The following ST18 variants were observed in gnomAD, a reference collection of about 807,000 sequenced individuals.
ST18 encodes the protein suppression of tumorigenicity 18 protein.
In ST18, 50 loss-of-function variants were observed where a neutral mutation model predicts 110.0. The observed-to-expected ratio is 0.45, with a 90% confidence interval of 0.36 to 0.58. The LOEUF is 0.58. ST18 is among the 20% of genes least tolerant of loss of function. The probability of loss-of-function intolerance (pLI) is 0.00; values close to 1 mark genes in which losing one functional copy is unlikely to be tolerated. For synonymous variants in ST18, 461 were observed against 452.4 expected, an observed-to-expected ratio of 1.02 and a Z score of -0.24; for missense variants, 1,306 against 1,280.1, an observed-to-expected ratio of 1.02 and a Z score of -0.31.
At chr8:52,310,035 T>G (rs971812836) in intron 2 of ST18, among the ~76,000 whole-genome samples, 2 of 152,220 alleles carry the variant, frequency 1.3e-5, no homozygotes, top group African/African-American at 4.8e-5. Flanking sequence ...TCAGAGGCCA[T>G]GTTTAGTCAT....
chr8:52,173,401 C>T (rs576470237), intron 9 of ST18, among the ~76,000 whole-genome samples: 1 of 152,290 alleles, frequency 6.6e-6, no homozygotes, highest in South Asian at 2.1e-4. Context: ...CGTGAAGGCA[C>T]CCCGTGAGGA....
chr8:52,122,813 G>A (rs1293405542), intron 23 of ST18, among the ~76,000 whole-genome samples: 11 of 140,690 alleles, frequency 7.8e-5, no homozygotes, highest in African/African-American at 3.0e-4. Flanking sequence ...TTGAGTTTAC[G>A]TACCAAAATT....
In ST18 at chr8:52,153,899, G is replaced by A. The variant is rs553472280; in HGVS notation, c.1807-3922C>T. 4.6e-5 allele frequency among the ~76,000 whole-genome samples: 7 copies of A among 152,348 alleles called. No individual in the cohort carries two copies. The South Asian group carries it at 1.5e-3, about 32-fold the overall frequency. On this transcript the variant is annotated intron_variant, in intron 15 of 25. Coordinates refer to ENST00000689386, the MANE Select transcript of ST18 (RefSeq NM_001352837.2). ...TAGAGGGATTAAAAGGGATTAATGTGAGCCACATGCTTGCTTATAGTACCT... is the reference window on the plus strand; with the variant it reads ...TAGAGGGATTAAAAGGGATTAATGTAAGCCACATGCTTGCTTATAGTACCT...
intron 8 of ST18, among the ~76,000 whole-genome samples, chr8:52,186,644 G>C (rs187059730): frequency 9.8e-5 from 15 of 152,300 alleles, no homozygotes; most frequent in Non-Finnish European, 2.1e-4. Flanking sequence ...TCCCATACCG[G>C]AAACATCGCA....
intron 2 of ST18, among the ~76,000 whole-genome samples, chr8:52,394,819 C>T (rs1298903641): frequency 6.6e-6 from 1 of 152,204 alleles, no homozygotes. Context: ...CCTTAGAACA[C>T]TTGCTAAATG....
At chr8:52,353,771 C>T (rs1407625272) in intron 2 of ST18, among the ~76,000 whole-genome samples, 2 of 152,152 alleles carry the variant, frequency 1.3e-5, no homozygotes, top group Admixed American at 6.5e-5. Flanking sequence ...TAGCATGGTG[C>T]CCGACCAAAA....
chr8:52,336,967 A>G (rs938975320), intron 2 of ST18, among the ~76,000 whole-genome samples: 1 of 152,236 alleles, frequency 6.6e-6, no homozygotes, highest in African/African-American at 2.4e-5. Flanking sequence ...TTAAAATAAT[A>G]GGAAAACCAT....
rs1189010065 is a variant in ST18, at chr8:52,394,928, C to T, written c.-465+14400G>A. 3.9e-5 allele frequency among the ~76,000 whole-genome samples: 6 copies of T among 152,280 alleles called. No homozygotes were observed. In the East Asian group the frequency reaches 1.2e-3, roughly 29 times the overall value. On this transcript the variant is annotated intron_variant, in intron 2 of 25. Coordinates refer to ENST00000689386, the MANE Select transcript of ST18 (RefSeq NM_001352837.2). ...ACTGATCAAGTGAAGGGGAAAGAAA[C>T]TACAGAAACACAGCAGACGCAATGA...
chr8:52,332,116 A>G (rs569132432), intron 2 of ST18, among the ~76,000 whole-genome samples: 1 of 152,170 alleles, frequency 6.6e-6, no homozygotes, highest in East Asian at 1.9e-4. Flanking sequence ...AATGAGTTAC[A>G]TTTGCCATTA....
At chr8:52,308,232 C>T (rs2095845609) in intron 2 of ST18, among the ~76,000 whole-genome samples, 1 of 152,226 alleles carries the variant, frequency 6.6e-6, no homozygotes, top group African/African-American at 2.4e-5. Context: ...GAAAAAACCA[C>T]ATCGGCTGTG....
At chr8:52,316,033 G>T (rs942810779) in intron 2 of ST18, among the ~76,000 whole-genome samples, 82 of 152,226 alleles carry the variant, frequency 5.4e-4, no homozygotes, top group African/African-American at 1.9e-3. Flanking sequence ...TAAAATTACT[G>T]TGGTGTTTTG....
intron 22 of ST18, among the ~76,000 whole-genome samples, chr8:52,131,690 G>A (rs543484876): frequency 6.6e-6 from 1 of 152,252 alleles, no homozygotes; most frequent in African/African-American, 2.4e-5. Flanking sequence ...AGAAATAGCA[G>A]CCTAAGCAAT....
At chr8:52,142,054 T>G (rs1432863069) in intron 17 of ST18, among the ~76,000 whole-genome samples, 2 of 151,786 alleles carry the variant, frequency 1.3e-5, no homozygotes, top group Admixed American at 6.6e-5. Flanking sequence ...AGGAGGGAGA[T>G]CAGCTCTGTG....
At chr8:52,183,161 T>A (rs1418389764) in intron 8 of ST18, among the ~76,000 whole-genome samples, 1 of 152,162 alleles carries the variant, frequency 6.6e-6, no homozygotes, top group Non-Finnish European at 1.5e-5. Context: ...GACAGTTGGT[T>A]AGAGTAGAAC....
chr8:52,373,074 G>A (rs1830822408), intron 2 of ST18, among the ~76,000 whole-genome samples: 1 of 152,212 alleles, frequency 6.6e-6, no homozygotes, highest in Non-Finnish European at 1.5e-5. Context: ...GGTCAGCACA[G>A]AGTTCCTAGG....
chr8:52,318,001 G>T (rs2096061040), intron 2 of ST18, among the ~76,000 whole-genome samples: 1 of 152,092 alleles, frequency 6.6e-6, no homozygotes, highest in Middle Eastern at 3.2e-3. Flanking sequence ...TGCCAAAAGT[G>T]ATTGTAGCAA....
chr8:52,363,653 G>A (rs568877203), intron 2 of ST18, among the ~76,000 whole-genome samples: 5 of 152,212 alleles, frequency 3.3e-5, no homozygotes, highest in African/African-American at 1.2e-4. Flanking sequence ...ACATGTGCTA[G>A]GCCTAAGCAA....
intron 16 of ST18, among the ~76,000 whole-genome samples, chr8:52,145,055 ATTT>A (rs11353171): frequency 9.1e-5 from 13 of 143,172 alleles, no homozygotes; most frequent in African/African-American, 3.3e-4. Flanking sequence ...TTAGATGCTG[ATTT>A]TTTTTTTTTT....
Position 52,200,477 on chromosome 8 carries a change from G to A in ST18, c.86+11602C>T, listed in dbSNP as rs376075776. Among the ~76,000 whole-genome samples the A allele has an allele frequency of 5.8e-4, 89 of 152,310 alleles. 2 individuals carry two copies. The highest frequency in any genetic ancestry group is 1.7e-3 in the African/African-American group (71 of 41,568). On this transcript the variant is annotated intron_variant, in intron 8 of 25. Coordinates refer to ENST00000689386, the MANE Select transcript of ST18 (RefSeq NM_001352837.2). ...CTTCGGCAGGTCTGGGGGACCCAGCGCGGATTCTAGTTGGGTAGGGGGCAA... is the reference window on the plus strand; with the variant it reads ...CTTCGGCAGGTCTGGGGGACCCAGCACGGATTCTAGTTGGGTAGGGGGCAA...
Sources: gnomAD v4.1 joint callset for allele counts (sites outside exome capture counted in the v4.1 genomes callset) on GRCh38, gnomAD v4.1.1 for gene constraint, MANE v1.5 for transcripts, NCBI Gene and HGNC (gene_info 2026-07-23, HGNC 2026-07-21) for gene names.